The following CRYBG1 variants were observed in gnomAD, a reference collection of about 807,000 sequenced individuals.
The protein encoded by CRYBG1 is crystallin beta-gamma domain containing 1.
Under a neutral mutation model 189.2 loss-of-function variants are expected in CRYBG1, and 139 were observed. The observed-to-expected ratio is 0.73, with a 90% CI of 0.64 to 0.85. The LOEUF is 0.85. Among genes scored for constraint, CRYBG1 ranks in the 40% least tolerant of loss-of-function variants. The pLI is 0.00. For missense variants in CRYBG1, 2,611 were observed against 2,675.8 expected, an observed-to-expected ratio of 0.98 and a Z score of 0.53; for synonymous variants, 1,023 against 1,017.1, an observed-to-expected ratio of 1.01 and a Z score of -0.11.
rs538613815 is a variant in CRYBG1, at chr6:106,405,244, T to C, written c.173+44163T>C. ...GAGGCATGAGTAGGCAGTTTTCCCC[T>C]CACAGTGTAAACAAAGCTGCTGGGA... On this transcript the variant is annotated intron_variant, in intron 1 of 21. Transcript: ENST00000633556. Among the ~76,000 whole-genome samples, 95 of 152,280 alleles carry C rather than the reference T, an allele frequency of 6.2e-4. 1 individual carries two copies. The highest frequency in any genetic ancestry group is 2.3e-3 in the African/African-American group (95 of 41,554).
intron 3 of CRYBG1, 101 bp downstream of exon 3, chr6:106,513,140 GTC>G: frequency 7.3e-7 from 1 of 1,370,682 alleles, no homozygotes; most frequent in Non-Finnish European, 9.7e-7. Flanking sequence ...GAAACGTCTG[GTC>G]ACTGAACTTT....
Position 106,526,025 on chromosome 6 carries a change from A to G in CRYBG1, c.4412+639A>G, listed in dbSNP as rs571176988. Among the ~76,000 whole-genome samples the G allele has an allele frequency of 2.0e-5, 3 of 152,200 alleles. 1 individual carries two copies. In the South Asian group the frequency reaches 6.2e-4, roughly 31 times the overall value. ...TTTCTGAAATCATTTTATCAGCTTCATTGCCTCTTGGAGATACACAGGAAG... is the reference window on the plus strand; with the variant it reads ...TTTCTGAAATCATTTTATCAGCTTCGTTGCCTCTTGGAGATACACAGGAAG... On this transcript the variant is annotated intron_variant, in intron 6 of 21. Transcript: ENST00000633556.
intron 1 of CRYBG1, among the ~76,000 whole-genome samples, chr6:106,399,510 G>T (rs1193294065): frequency 6.6e-6 from 1 of 152,152 alleles, no homozygotes; most frequent in African/African-American, 2.4e-5. Context: ...CTTTCTGGAT[G>T]CGTGACATAG....
intron 8 of CRYBG1, among the ~76,000 whole-genome samples, chr6:106,532,750 C>T (rs1773906576): frequency 1.3e-5 from 2 of 152,028 alleles, no homozygotes; most frequent in African/African-American, 4.8e-5. Context: ...TGAGTTATAT[C>T]ATTTGGTACC....
At position 106,519,735 on chromosome 6, in the gene CRYBG1, G is replaced by A; in HGVS notation, c.2527G>A (p.Asp843Asn). 1 of 1,614,148 alleles carries A rather than the reference G, an allele frequency of 6.2e-7. No homozygotes were observed. ...AGCACAAGACATCCCCACCACTGTG[G>A]ATACCAAAGATTTACCTCCAACGGC... Reference protein sequence around the residue: ...DTAQDIPTTVDTKDLPPTAMP... With the variant: ...DTAQDIPTTVNTKDLPPTAMP... Residue 843 changes from aspartate to asparagine, a missense_variant, in exon 4 of 22, where the codon GAT becomes AAT. Asp to Asn is a conservative substitution (Grantham distance 23). This residue lies in a region of CRYBG1 where 1,622 missense variants were observed against 1,735.0 expected (regional missense o/e 0.93). Transcript: ENST00000633556.
chr6:106,380,909 C>A (rs1297508312), intron 1 of CRYBG1, among the ~76,000 whole-genome samples: 4 of 152,166 alleles, frequency 2.6e-5, no homozygotes, highest in African/African-American at 9.7e-5. Context: ...AACGTAGAGT[C>A]ATCAAAATCA....
At position 106,520,634 on chromosome 6, in the gene CRYBG1, T is replaced by C; in HGVS notation, c.3426T>C (p.Pro1142=). 1 of 1,614,240 alleles carries C rather than the reference T, an allele frequency of 6.2e-7. No individual in the cohort carries two copies. Among genetic ancestry groups the C allele is most frequent in the Non-Finnish European group, 8.5e-7 (1 of 1,180,046 alleles). Residue 1142 remains proline (P), a synonymous_variant, in exon 4 of 22, where the codon CCT becomes CCC. Transcript: ENST00000633556. ...NSPAPHFAMP[P]IHEDHLEKVF... ...CTGCTCCTCACTTTGCCATGCCTCCTATTCACGAAGACCATTTAGAAAAGG... is the reference window on the plus strand; with the variant it reads ...CTGCTCCTCACTTTGCCATGCCTCCCATTCACGAAGACCATTTAGAAAAGG...
intron 1 of CRYBG1, among the ~76,000 whole-genome samples, chr6:106,393,416 T>C (rs1009719797): frequency 7.1e-4 from 1 of 1,400 alleles, no homozygotes; most frequent in African/African-American, 4.3e-3. Context: ...AGCAAATAAG[T>C]TCCCTGGGGC....
At chr6:106,384,683 C>G (rs1341426172) in intron 1 of CRYBG1, among the ~76,000 whole-genome samples, 1 of 152,020 alleles carries the variant, frequency 6.6e-6, no homozygotes, top group Non-Finnish European at 1.5e-5. Flanking sequence ...TGATTCCATC[C>G]AGAATGTATG....
intron 1 of CRYBG1, among the ~76,000 whole-genome samples, chr6:106,450,154 G>A (rs1178018599): frequency 6.6e-6 from 1 of 150,388 alleles, no homozygotes; most frequent in Non-Finnish European, 1.5e-5. Flanking sequence ...GGAGGTGGAG[G>A]TTGCAGTGAG....
chr6:106,550,950 G>A (rs1774389182), intron 13 of CRYBG1, among the ~76,000 whole-genome samples: 1 of 151,940 alleles, frequency 6.6e-6, no homozygotes, highest in South Asian at 2.1e-4. Context: ...TTCATGTCAA[G>A]ATACCCTTAC....
At chr6:106,483,378 G>GTGTGTGTGTGTGTATATA (rs1347885031) in intron 2 of CRYBG1, among the ~76,000 whole-genome samples, 1 of 113,694 alleles carries the variant, frequency 8.8e-6, no homozygotes, top group African/African-American at 2.7e-5. Context: ...GTGTGTGTGT[G>GTGTGTGTGTGTGTATATA]TATATATATA....
intron 7 of CRYBG1, among the ~76,000 whole-genome samples, chr6:106,529,572 C>T (rs1262485309): frequency 2.0e-5 from 3 of 152,238 alleles, no homozygotes; most frequent in Admixed American, 6.5e-5. Context: ...AACGCTTAGG[C>T]ACTGGACCAG....
In CRYBG1 at chr6:106,521,155, C is replaced by T. The variant is rs763975227; in HGVS notation, c.3947C>T (p.Ser1316Leu). 1.4e-5 allele frequency: 23 copies of T among 1,614,136 alleles called. No homozygotes were observed. Among genetic ancestry groups the T allele is most frequent in the Non-Finnish European group, 1.7e-5 (20 of 1,180,036 alleles). ...TCCTTAAAGGTCTTCAATTTCAACTCGTCAAGTACATCACACTCCAGTTTG... is the reference window on the plus strand; with the variant it reads ...TCCTTAAAGGTCTTCAATTTCAACTTGTCAAGTACATCACACTCCAGTTTG... ...DNSLKVFNFN[S>L]SSTSHSSLKS... is the part of the protein sequence containing the mutation. Residue 1316 changes from serine to leucine, a missense_variant, in exon 4 of 22, where the codon TCG becomes TTG. Physicochemically the swap from Ser to Leu is moderately radical, Grantham distance 145. This residue lies in a region of CRYBG1 where 1,622 missense variants were observed against 1,735.0 expected (regional missense o/e 0.93). Transcript: ENST00000633556.
intron 8 of CRYBG1, among the ~76,000 whole-genome samples, chr6:106,535,362 T>G (rs997287192): frequency 6.6e-6 from 1 of 152,226 alleles, no homozygotes; most frequent in African/African-American, 2.4e-5. Context: ...GTAGGAAGAA[T>G]AGTTCAGTGA....
rs3761798 is a variant in CRYBG1 at position 106,525,063 on chromosome 6, G to A, written c.4246-70G>A. 516 of 1,509,432 alleles carry A rather than the reference G, an allele frequency of 3.4e-4. 2 individuals are homozygous for A. In the East Asian group the frequency reaches 6.7e-3, roughly 20 times the overall value. 93.5% of individuals were successfully genotyped at this position (1,509,432 alleles called of 1,614,324 possible). A position where few individuals can be genotyped will look rare whatever the true frequency, so the allele number is the denominator to read the frequency against. On this transcript the variant is annotated intron_variant, in intron 4 of 21. Transcript: ENST00000633556. ...AAAAGTGTGATCTACCTACAGGATC[G>A]TGGGTGGAAAAAGAGGATCGTTATG...
intron 1 of CRYBG1, chr6:106,449,330 G>A (rs559581762): frequency 6.6e-6 from 1 of 152,342 alleles, no homozygotes; most frequent in Admixed American, 6.5e-5. Context: ...ATTAAGGGGA[G>A]CAGACTGCCT....
At chr6:106,476,833 A>T (rs1217874941) in intron 2 of CRYBG1, among the ~76,000 whole-genome samples, 6 of 152,218 alleles carry the variant, frequency 3.9e-5, no homozygotes, top group Non-Finnish European at 8.8e-5. Context: ...ATTGGTTTAA[A>T]GCATAGATTT....
rs1017235529 is a variant in CRYBG1 at position 106,511,741 on chromosome 6, C to G, written c.624C>G (p.Asp208Glu). ...GCGGTGGCCCCGCAGCCCCCCCTGA[C>G]GCCGAGCTGTCACCTCGCTGGAGCA... Reference protein sequence around the residue: ...PESGGPAAPPDAELSPRWSSS... With the variant: ...PESGGPAAPPEAELSPRWSSS... The change falls in exon 3 of 22, where the codon GAC (aspartate) becomes GAG (glutamate). Residue 208 changes from aspartate to glutamate, a missense_variant. Around this residue, in one of 3 missense-constraint regions of CRYBG1, gnomAD observed 985 missense variants for 924.4 expected, o/e 1.07. Transcript: ENST00000633556. 6.5e-7 allele frequency: 1 copy of G among 1,535,106 alleles called. No homozygotes were observed. The highest frequency in any genetic ancestry group is 1.4e-5 in the African/African-American group (1 of 72,886).
Sources: allele counts gnomAD v4.1 joint callset (sites outside exome capture counted in the v4.1 genomes callset), GRCh38; gene constraint gnomAD v4.1.1; regional missense constraint gnomAD v4.1.1; transcripts MANE v1.5; gene names NCBI Gene and HGNC (gene_info 2026-07-23, HGNC 2026-07-21).